APBA2: variants seen among roughly 807,000 people sequenced by gnomAD.
APBA2 encodes amyloid-beta A4 precursor protein-binding family A member 2.
Under a neutral mutation model 75.0 loss-of-function variants are expected in APBA2, and 30 were observed. The ratio of observed to expected loss-of-function variants is 0.40; its 90% CI spans 0.30 to 0.54. The LOEUF is 0.54. APBA2 is among the 20% of genes least tolerant of loss of function. The pLI, the probability that APBA2 is intolerant of heterozygous loss-of-function variation, is 0.49. For missense variants in APBA2, 801 were observed against 1,016.1 expected, an observed-to-expected ratio of 0.79 and a Z score of 2.88; for synonymous variants, 444 against 409.6, an observed-to-expected ratio of 1.08 and a Z score of -1.01.
At chr15:29,108,858 G>A (rs1411288131) in intron 13 of APBA2, among the ~76,000 whole-genome samples, 1 of 152,228 alleles carries the variant, frequency 6.6e-6, no homozygotes, top group Non-Finnish European at 1.5e-5. Context: ...GCAATGGGAA[G>A]GCAGGAGTGC....
chr15:29,049,017 T>C (rs1253909023), intron 3 of APBA2, among the ~76,000 whole-genome samples: 1 of 152,128 alleles, frequency 6.6e-6, no homozygotes, highest in Non-Finnish European at 1.5e-5. Flanking sequence ...ACTGAGGGTT[T>C]CCTGGGACAT....
intron 4 of APBA2, among the ~76,000 whole-genome samples, chr15:29,066,844 G>A (rs373930624): frequency 1.3e-5 from 2 of 152,164 alleles, no homozygotes; most frequent in African/African-American, 2.4e-5. Flanking sequence ...TTATCACACC[G>A]TGTTAGGCTA....
intron 1 of APBA2, among the ~76,000 whole-genome samples, chr15:28,901,594 G>C (rs987318667): frequency 1.3e-5 from 2 of 152,248 alleles, no homozygotes; most frequent in African/African-American, 4.8e-5. Context: ...TTCTTGGTTG[G>C]GGGGTGGCGC....
chr15:28,936,605 T>G (rs373907190), intron 2 of APBA2, among the ~76,000 whole-genome samples: 88 of 152,356 alleles, frequency 5.8e-4, no homozygotes, highest in African/African-American at 2.0e-3. Context: ...GAGTGTCTCC[T>G]TTGTTCCTCT....
At chr15:28,910,954 C>A (rs147803587) in intron 1 of APBA2, among the ~76,000 whole-genome samples, 163 of 152,208 alleles carry the variant, frequency 1.1e-3, no homozygotes, top group African/African-American at 3.8e-3. Flanking sequence ...CGGTGTTATT[C>A]TTTTCCAGAG....
In APBA2 at chr15:28,956,572, A is replaced by G. The variant is rs565140115; in HGVS notation, c.-95+34823A>G. 7.2e-5 allele frequency among the ~76,000 whole-genome samples: 11 copies of G among 152,382 alleles called. No individual in the cohort carries two copies. In the East Asian group the frequency reaches 1.3e-3, roughly 19 times the overall value. On this transcript the variant is annotated intron_variant, in intron 2 of 14. Coordinates refer to ENST00000683413, the MANE Select transcript of APBA2 (RefSeq NM_001353788.2). ...ATTTAAAAAATTGTGTAAAATACAC[A>G]TAACATAGGATTCACCTTCTGGAAC...
chr15:29,103,707 C>T (rs1251764956), intron 10 of APBA2, among the ~76,000 whole-genome samples: 1 of 152,190 alleles, frequency 6.6e-6, no homozygotes, highest in African/African-American at 2.4e-5. Flanking sequence ...AAGTGGAGTC[C>T]GAGGGCCGTG....
rs2041745532 is a variant in APBA2, at chr15:29,054,040, G to A, written c.156G>A (p.Arg52=). 1.9e-6 allele frequency: 3 copies of A among 1,613,806 alleles called. No individual in the cohort carries two copies. Among genetic ancestry groups the A allele is most frequent in the Non-Finnish European group, 2.5e-6 (3 of 1,180,016 alleles). Residue 52 remains arginine, a synonymous_variant, in exon 4 of 15, where the codon CGG becomes CGA. Transcript: ENST00000683413. This position sits in a 1 kb window ranked among gnomAD's most constrained non-coding sequence, Gnocchi z 6.1. ...AGGGCCTGGAGCTGGCTGCCCTGCG[G>A]CCAGAGAGCCCCGCGCCAGAGGAAC... ...VPEGLELAAL[R]PESPAPEEQE...
chr15:29,064,274 TCA>T (rs1284890110), intron 4 of APBA2, among the ~76,000 whole-genome samples: 1 of 152,098 alleles, frequency 6.6e-6, no homozygotes, highest in African/African-American at 2.4e-5. Context: ...CACCCCGAAT[TCA>T]CACTCTTCAA....
rs2041350669 is a variant in APBA2 at position 29,046,689 on chromosome 15, C to G, written c.-40-7156C>G. Among the ~76,000 whole-genome samples the G allele has an allele frequency of 2.6e-5, 4 of 152,232 alleles. No homozygotes were observed. The highest frequency in any genetic ancestry group is 2.6e-4 in the Admixed American group (4 of 15,278). On this transcript the variant is annotated intron_variant, in intron 3 of 14. Coordinates refer to ENST00000683413, the MANE Select transcript of APBA2 (RefSeq NM_001353788.2). This position sits in a 1 kb window ranked among gnomAD's most constrained non-coding sequence, Gnocchi z 5.0. ...CTTGGGCCATGAACCTGCACACTCT[C>G]CAGGTGGGCCTTGTGCCCACCAAAG...
chr15:29,007,996 A>G (rs766393369), intron 3 of APBA2, among the ~76,000 whole-genome samples: 2 of 152,248 alleles, frequency 1.3e-5, no homozygotes, highest in East Asian at 3.8e-4. Flanking sequence ...TTGGCAGATG[A>G]ATGGATCAAC....
chr15:28,932,933 A>G (rs2034640372), intron 2 of APBA2, among the ~76,000 whole-genome samples: 1 of 152,110 alleles, frequency 6.6e-6, no homozygotes, highest in Non-Finnish European at 1.5e-5. Flanking sequence ...TGAACAGAAC[A>G]TTATTTGGCT....
At chr15:29,059,242 A>G (rs1413364208) in intron 4 of APBA2, among the ~76,000 whole-genome samples, 1 of 152,026 alleles carries the variant, frequency 6.6e-6, no homozygotes, top group Non-Finnish European at 1.5e-5. Flanking sequence ...TGTGTTGGTG[A>G]TAAAATGGCC....
intron 11 of APBA2, 113 bp from the exon 12 acceptor site, chr15:29,106,494 C>A: frequency 8.1e-7 from 1 of 1,234,086 alleles, no homozygotes; most frequent in African/African-American, 1.5e-5. Flanking sequence ...GCCTTGGATC[C>A]CAGGGCAGGG....
intron 3 of APBA2, among the ~76,000 whole-genome samples, chr15:29,028,430 A>G (rs992208389): frequency 2.6e-5 from 4 of 152,094 alleles, no homozygotes; most frequent in African/African-American, 9.7e-5. Flanking sequence ...GGTTGATTCC[A>G]TGTCTTTGCT....
intron 2 of APBA2, among the ~76,000 whole-genome samples, chr15:28,982,984 C>T (rs1245058607): frequency 6.6e-6 from 1 of 152,210 alleles, no homozygotes; most frequent in Non-Finnish European, 1.5e-5. Flanking sequence ...GAGGTCCTGG[C>T]ACCTACGGAG....
Position 29,117,318 on chromosome 15 carries a change from A to C in APBA2, c.*185A>C. ...TTTTGCCAAAAAGGGGTATGTCTTT[A>C]TCAAAGGAGAGTCACAGAACAAATG... On this transcript the variant is annotated 3_prime_UTR_variant, in exon 15 of 15. Transcript: ENST00000683413. 1 of 611,610 alleles carries C rather than the reference A, an allele frequency of 1.6e-6. No individual in the cohort carries two copies. The highest frequency in any genetic ancestry group is 2.8e-5 in the East Asian group (1 of 36,358). The allele number at this position is 611,610 out of a possible 1,614,324, so 37.9% of individuals were successfully genotyped here.
chr15:29,027,225 T>C (rs913384246), intron 3 of APBA2, among the ~76,000 whole-genome samples: 2 of 152,236 alleles, frequency 1.3e-5, no homozygotes, highest in Non-Finnish European at 2.9e-5. Context: ...GACATCATGG[T>C]AATCTATTCC....
In APBA2 at chr15:29,054,149, G is replaced by A. The variant is rs2041754229; in HGVS notation, c.265G>A (p.Gly89Ser). ...NTSEEEDYDE[G>S]LPEEEEGITY... is the part of the protein sequence containing the mutation. ...CTCTGAGGAGGAGGACTATGACGAG[G>A]GCCTCCCTGAGGAGGAGGAGGGCAT... is the stretch of plus-strand genomic sequence containing the variant. The change falls in exon 4 of 15, where the codon GGC becomes AGC. Residue 89 changes from glycine (G) to serine (S), a missense_variant. Physicochemically the swap from Gly to Ser is moderately conservative, Grantham distance 56. Around this residue, in one of 2 missense-constraint regions of APBA2, gnomAD observed 434 missense variants for 471.6 expected, o/e 0.92. Transcript: ENST00000683413. The surrounding 1 kb of genome is among the most constrained non-coding windows in gnomAD (Gnocchi z 6.1). 6.2e-7 allele frequency: 1 copy of A among 1,614,054 alleles called. No individual in the cohort carries two copies. Among genetic ancestry groups the A allele is most frequent in the African/African-American group, 1.3e-5 (1 of 74,920 alleles).
Sources: allele counts gnomAD v4.1 joint callset (sites outside exome capture counted in the v4.1 genomes callset), GRCh38; gene constraint gnomAD v4.1.1; regional missense constraint gnomAD v4.1.1; non-coding constraint Gnocchi (gnomAD v3.1); transcripts MANE v1.5; gene names NCBI Gene and HGNC (gene_info 2026-07-23, HGNC 2026-07-21).